SPIN1: variants seen among roughly 807,000 people sequenced by gnomAD.
SPIN1 encodes the protein spindlin-1.
A neutral mutation model predicts 26.0 loss-of-function variants in SPIN1; 3 were observed. The observed-to-expected ratio is 0.12, with a 90% CI of 0.05 to 0.30. SPIN1 has a LOEUF of 0.30. Ranked by LOEUF, SPIN1 falls within the 10% of genes least tolerant of loss-of-function variation. The pLI, the probability that SPIN1 is intolerant of heterozygous loss-of-function variation, is 1.00. For synonymous variants in SPIN1, 101 were observed against 116.5 expected, an observed-to-expected ratio of 0.87 and a Z score of 0.86; for missense variants, 126 against 333.4, an observed-to-expected ratio of 0.38 and a Z score of 4.84.
In SPIN1 at chr9:88,408,376, CTTTTTTTTTTTTT is replaced by C. The variant is rs1177261349; in HGVS notation, c.-158-17999_-158-17987del. Among the ~76,000 whole-genome samples the C allele has an allele frequency of 8.5e-4, 98 of 115,434 alleles. 1 individual carries two copies. Among genetic ancestry groups the C allele is most frequent in the African/African-American group, 3.6e-3 (95 of 26,702 alleles). The allele number at this position is 115,434 out of a possible 152,430, so 75.7% of individuals were successfully genotyped here. A position where few individuals can be genotyped will look rare whatever the true frequency, so the allele number is the denominator to read the frequency against. ...TTTTGGTTTTTCTTTTCCTTTTTTTCTTTTTTTTTTTTTTTTTTTGAGACGGAGTGTTGCTCTG... is the reference window on the plus strand; with the variant it reads ...TTTTGGTTTTTCTTTTCCTTTTTTTCTTTTTTGAGACGGAGTGTTGCTCTG... On this transcript the variant is annotated intron_variant, in intron 1 of 5. Coordinates refer to ENST00000375859, the MANE Select transcript of SPIN1 (RefSeq NM_006717.3).
intron 4 of SPIN1, among the ~76,000 whole-genome samples, chr9:88,464,836 T>A (rs1365802884): frequency 1.3e-5 from 2 of 152,204 alleles, no homozygotes; most frequent in African/African-American, 4.8e-5. Flanking sequence ...ACATTCGCAT[T>A]GTTGAAACAG....
At chr9:88,446,015 G>A (rs762197438) in intron 2 of SPIN1, among the ~76,000 whole-genome samples, 7 of 151,762 alleles carry the variant, frequency 4.6e-5, no homozygotes, top group Non-Finnish European at 1.0e-4. Context: ...ATTTTGATTG[G>A]CATATTCATG....
chr9:88,403,044 ATGATTAC>A (rs1184951751), intron 1 of SPIN1, among the ~76,000 whole-genome samples: 3 of 152,098 alleles, frequency 2.0e-5, no homozygotes, highest in African/African-American at 7.2e-5. Flanking sequence ...TATTTACCTG[ATGATTAC>A]TGATGTGAGC....
chr9:88,426,583 C>T lies in SPIN1; in HGVS notation c.44C>T (p.Ala15Val), dbSNP rs1358975011. The T allele has an allele frequency of 6.2e-7, 1 of 1,613,382 alleles. No homozygotes were observed. Among genetic ancestry groups the T allele is most frequent in the East Asian group, 2.2e-5 (1 of 44,824 alleles). Residue 15 changes from alanine to valine, a missense_variant, in exon 2 of 6, where the codon GCT becomes GTT. Around this residue, in one of 7 missense-constraint regions of SPIN1, gnomAD observed 63 missense variants for 101.3 expected, o/e 0.62. Coordinates refer to ENST00000375859, the MANE Select transcript of SPIN1 (RefSeq NM_006717.3). ...AAGACACCTGGCCAGCGGTCCAGAG[C>T]TGATGCAGGTAGGCATTGCGGTTCT... ...FGKTPGQRSR[A>V]DAGHAGVSAN...
intron 3 of SPIN1, chr9:88,458,040 A>T (rs1828504524): frequency 2.1e-6 from 2 of 935,586 alleles, no homozygotes; most frequent in Non-Finnish European, 2.5e-6. Flanking sequence ...GGGGATGAAA[A>T]GTATAGGTTT....
chr9:88,408,981 T>TTGTTTGTG (rs1554692220), intron 1 of SPIN1, among the ~76,000 whole-genome samples: 2 of 136,596 alleles, frequency 1.5e-5, no homozygotes, highest in African/African-American at 5.5e-5. Flanking sequence ...TTGTGTGTGT[T>TTGTTTGTG]TGTGTGTGTG....
At chr9:88,430,226 C>G (rs767574583) in intron 2 of SPIN1, among the ~76,000 whole-genome samples, 15 of 152,228 alleles carry the variant, frequency 9.9e-5, no homozygotes, top group Admixed American at 2.0e-4. Context: ...GGTGTCATCT[C>G]AAAGGCTTCT....
chr9:88,450,393 C>G (rs963836114), intron 3 of SPIN1, among the ~76,000 whole-genome samples: 1 of 152,156 alleles, frequency 6.6e-6, no homozygotes, highest in African/African-American at 2.4e-5. Flanking sequence ...AATGTGCGTT[C>G]TAATCATTTT....
intron 1 of SPIN1, among the ~76,000 whole-genome samples, chr9:88,389,031 C>T (rs1474099111): frequency 6.6e-6 from 1 of 151,586 alleles, no homozygotes; most frequent in Admixed American, 6.6e-5. Flanking sequence ...GGCGGGACCC[C>T]GGCGCGACGG....
chr9:88,441,076 T>C (rs896391024), intron 2 of SPIN1, among the ~76,000 whole-genome samples: 1 of 151,850 alleles, frequency 6.6e-6, no homozygotes, highest in Admixed American at 6.6e-5. Context: ...CAAACACAGA[T>C]TGAAAATATC....
At chr9:88,425,555 G>C (rs1564029119) in intron 1 of SPIN1, among the ~76,000 whole-genome samples, 1 of 151,810 alleles carries the variant, frequency 6.6e-6, no homozygotes, top group Non-Finnish European at 1.5e-5. Flanking sequence ...GCGCACACCT[G>C]TAGTTCCAGC....
chr9:88,467,664 T>G (rs888136489), intron 4 of SPIN1, among the ~76,000 whole-genome samples: 1 of 152,098 alleles, frequency 6.6e-6, no homozygotes, highest in African/African-American at 2.4e-5. Context: ...AGCAGTTTGG[T>G]TGTTTTTCAA....
chr9:88,467,401 G>T (rs1828690914), intron 4 of SPIN1, among the ~76,000 whole-genome samples: 1 of 152,170 alleles, frequency 6.6e-6, no homozygotes, highest in Non-Finnish European at 1.5e-5. Context: ...GATAACTTTA[G>T]ATCATGGTGA....
At chr9:88,431,662 T>C (rs1827874328) in intron 2 of SPIN1, among the ~76,000 whole-genome samples, 1 of 152,224 alleles carries the variant, frequency 6.6e-6, no homozygotes, top group South Asian at 2.1e-4. Context: ...TGGAAACTTT[T>C]AGAATTGGCT....
chr9:88,447,795 GTGGTGTTCTT>G (rs901012245), intron 2 of SPIN1, among the ~76,000 whole-genome samples: 2 of 152,132 alleles, frequency 1.3e-5, no homozygotes, highest in African/African-American at 4.8e-5. Flanking sequence ...TGGTAAAAGG[GTGGTGTTCTT>G]GGTTCCCCCT....
chr9:88,440,856 G>A (rs545744452), intron 2 of SPIN1, among the ~76,000 whole-genome samples: 1 of 151,978 alleles, frequency 6.6e-6, no homozygotes, highest in Admixed American at 6.5e-5. Flanking sequence ...TGGGATTACA[G>A]GCATGACACC....
intron 1 of SPIN1, among the ~76,000 whole-genome samples, chr9:88,398,474 C>T (rs372905651): frequency 1.3e-4 from 19 of 151,938 alleles, no homozygotes; most frequent in African/African-American, 4.1e-4. Context: ...TGTGCAGTAG[C>T]GAGAATTAAA....
chr9:88,451,331 C>T (rs1446207846), intron 3 of SPIN1, among the ~76,000 whole-genome samples: 3 of 152,170 alleles, frequency 2.0e-5, no homozygotes, highest in South Asian at 4.1e-4. Context: ...GCAATAGCAC[C>T]TGTCCCCGAA....
intron 1 of SPIN1, among the ~76,000 whole-genome samples, chr9:88,397,996 A>C (rs113030332): frequency 0.011 from 1,612 of 150,898 alleles, 41 homozygotes; most frequent in African/African-American, 0.037. Context: ...GTTTTGGCTC[A>C]TTGCAGCCTC....
Sources: gnomAD v4.1 joint callset for allele counts (sites outside exome capture counted in the v4.1 genomes callset) on GRCh38, gnomAD v4.1.1 for gene constraint, gnomAD v4.1.1 regional missense constraint, MANE v1.5 for transcripts, NCBI Gene and HGNC (gene_info 2026-07-23, HGNC 2026-07-21) for gene names.